The following STEAP1B variants were observed in gnomAD, a reference collection of about 807,000 sequenced individuals.
STEAP1B encodes the protein STEAP family protein MGC87042.
In STEAP1B, 13 loss-of-function variants were observed where a neutral mutation model predicts 27.9. The observed-to-expected ratio is 0.47, with a 90% CI of 0.30 to 0.74. The LOEUF is 0.74. STEAP1B is among the 30% of genes least tolerant of loss of function. STEAP1B has a pLI of 0.06. For missense variants in STEAP1B, 250 were observed against 298.7 expected (o/e 0.84, Z 1.20); for synonymous variants, 86 against 107.1 (o/e 0.80, Z 1.22).
At position 22,448,626 on chromosome 7, in the gene STEAP1B, A is replaced by G. The variant is rs144896409; in HGVS notation, c.763-28790T>C. ...GAAGAAATTATTCAGAACAACATAA[A>G]TATGACAACTTTAGACAATGCAGCA... is the stretch of plus-strand genomic sequence containing the variant. On this transcript the variant is annotated intron_variant, in intron 4 of 4. Coordinates refer to ENST00000678116, the MANE Select transcript of STEAP1B (RefSeq NM_001382447.1). Among the ~76,000 whole-genome samples the G allele has an allele frequency of 3.7e-3, 564 of 152,358 alleles. 7 individuals are homozygous for G. Among genetic ancestry groups the G allele is most frequent in the African/African-American group, 0.013 (538 of 41,580 alleles).
Position 22,468,580 on chromosome 7 carries a change from G to A in STEAP1B, c.762+23985C>T, listed in dbSNP as rs924770963. The stretch of plus-strand genomic sequence containing the variant: ...TTTTGGAAGTGTTTTGATTTGATAC[G>A]ATGAGGCTAAAGACAAAGACCTGCA... On this transcript the variant is annotated intron_variant, in intron 4 of 4. Transcript: ENST00000678116. Among the ~76,000 whole-genome samples, 14 of 152,088 alleles carry A rather than the reference G, an allele frequency of 9.2e-5. 1 individual carries two copies. Among genetic ancestry groups the A allele is most frequent in the East Asian group, 3.9e-4 (2 of 5,190 alleles).
intron 4 of STEAP1B, among the ~76,000 whole-genome samples, chr7:22,449,984 T>G (rs1463572600): frequency 6.6e-6 from 1 of 152,208 alleles, no homozygotes; most frequent in Non-Finnish European, 1.5e-5. Flanking sequence ...ATTTGAAAAT[T>G]GGATTAGATT....
intron 4 of STEAP1B, among the ~76,000 whole-genome samples, chr7:22,489,739 T>C (rs1240891363): frequency 6.6e-6 from 1 of 152,168 alleles, no homozygotes; most frequent in Non-Finnish European, 1.5e-5. Context: ...CAAAAGGCAA[T>C]GCGGGCTCTT....
At chr7:22,441,154 T>A (rs1471706155) in intron 4 of STEAP1B, among the ~76,000 whole-genome samples, 1 of 152,198 alleles carries the variant, frequency 6.6e-6, no homozygotes, top group Non-Finnish European at 1.5e-5. Flanking sequence ...AATTTGTTAG[T>A]CAATTCCTAG....
intron 4 of STEAP1B, among the ~76,000 whole-genome samples, chr7:22,464,150 G>C (rs1191599029): frequency 1.3e-5 from 2 of 152,070 alleles, no homozygotes; most frequent in African/African-American, 4.8e-5. Context: ...CACTTGAGGT[G>C]GTATTAGAAT....
intron 4 of STEAP1B, among the ~76,000 whole-genome samples, chr7:22,452,093 G>A (rs1044143421): frequency 6.6e-6 from 1 of 152,146 alleles, no homozygotes; most frequent in African/African-American, 2.4e-5. Flanking sequence ...CCAGACAAAG[G>A]ATGATTAACT....
intron 4 of STEAP1B, among the ~76,000 whole-genome samples, chr7:22,435,522 G>T (rs971054922): frequency 2.6e-5 from 4 of 152,128 alleles, no homozygotes; most frequent in Non-Finnish European, 4.4e-5. Flanking sequence ...AATTTTTTCT[G>T]AACATTTTCT....
intron 4 of STEAP1B, among the ~76,000 whole-genome samples, chr7:22,446,770 A>G (rs1004732657): frequency 1.3e-5 from 2 of 152,218 alleles, no homozygotes; most frequent in Non-Finnish European, 2.9e-5. Context: ...CCTGGTCCCA[A>G]GTTGAACCCT....
chr7:22,440,354 G>T (rs998918644), intron 4 of STEAP1B, among the ~76,000 whole-genome samples: 3 of 152,084 alleles, frequency 2.0e-5, no homozygotes, highest in Non-Finnish European at 2.9e-5. Flanking sequence ...CATTTAACTT[G>T]GGTGAAACAT....
At chr7:22,464,850 C>T (rs746638960) in intron 4 of STEAP1B, among the ~76,000 whole-genome samples, 2 of 148,668 alleles carry the variant, frequency 1.3e-5, no homozygotes, top group Non-Finnish European at 3.0e-5. Context: ...TTTGCTATGG[C>T]AACCCTAGCA....
At chr7:22,459,391 C>T (rs768177862) in intron 4 of STEAP1B, among the ~76,000 whole-genome samples, 4 of 152,326 alleles carry the variant, frequency 2.6e-5, no homozygotes, top group East Asian at 1.9e-4. Context: ...TGTAGCTTCA[C>T]GTTTTCAGTG....
chr7:22,420,356 T>A (rs1379020517), intron 4 of STEAP1B, among the ~76,000 whole-genome samples: 2 of 152,198 alleles, frequency 1.3e-5, no homozygotes, highest in Non-Finnish European at 2.9e-5. Flanking sequence ...TCAGCCCATA[T>A]CCTCAATCCA....
chr7:22,459,473 G>C (rs185484212), intron 4 of STEAP1B, among the ~76,000 whole-genome samples: 1 of 152,162 alleles, frequency 6.6e-6, no homozygotes, highest in Admixed American at 6.5e-5. Flanking sequence ...GATTATGATT[G>C]GGTACCACGG....
rs117540076 is a variant in STEAP1B, at chr7:22,432,971, A to C, written c.763-13135T>G. 9.6e-3 allele frequency among the ~76,000 whole-genome samples: 1,467 copies of C among 152,352 alleles called. 17 individuals carry two copies. Among genetic ancestry groups the C allele is most frequent in the South Asian group, 0.065 (314 of 4,828 alleles). ...CTTCATGAGCTCAACCTCAGGTAGA[A>C]AAATACTCAGCCCTTCAGCTCTGCC... is the stretch of plus-strand genomic sequence containing the variant. On this transcript the variant is annotated intron_variant, in intron 4 of 4. Coordinates refer to ENST00000678116, the MANE Select transcript of STEAP1B (RefSeq NM_001382447.1).
intron 4 of STEAP1B, among the ~76,000 whole-genome samples, chr7:22,453,119 T>A (rs1785517222): frequency 6.6e-6 from 1 of 152,208 alleles, no homozygotes; most frequent in African/African-American, 2.4e-5. Flanking sequence ...TTTTAAAAAA[T>A]TCGTGTCAGT....
intron 4 of STEAP1B, among the ~76,000 whole-genome samples, chr7:22,460,540 G>T (rs1045208035): frequency 3.9e-5 from 6 of 152,118 alleles, no homozygotes; most frequent in African/African-American, 1.4e-4. Context: ...TGGGGAGCGG[G>T]CCATCAGGCC....
chr7:22,442,168 A>G (rs1449321503), intron 4 of STEAP1B, among the ~76,000 whole-genome samples: 1 of 152,244 alleles, frequency 6.6e-6, no homozygotes, highest in Non-Finnish European at 1.5e-5. Flanking sequence ...CATTGCAACA[A>G]TGATGGGTAA....
intron 4 of STEAP1B, among the ~76,000 whole-genome samples, chr7:22,484,044 G>C (rs924376579): frequency 6.6e-6 from 1 of 152,208 alleles, no homozygotes; most frequent in Non-Finnish European, 1.5e-5. Flanking sequence ...CTACCAGGTT[G>C]GTTCATGAGG....
At chr7:22,498,854 C>T (rs1786486759) in intron 1 of STEAP1B, among the ~76,000 whole-genome samples, 1 of 152,110 alleles carries the variant, frequency 6.6e-6, no homozygotes, top group Non-Finnish European at 1.5e-5. Context: ...GGAGAGTTAC[C>T]CAGCCATTTG....
Sources: allele counts gnomAD v4.1 joint callset (sites outside exome capture counted in the v4.1 genomes callset), GRCh38; gene constraint gnomAD v4.1.1; transcripts MANE v1.5; gene names NCBI Gene and HGNC (gene_info 2026-07-23, HGNC 2026-07-21).